CNDP1: variants seen among roughly 807,000 people sequenced by gnomAD.
The protein encoded by CNDP1 is beta-Ala-His dipeptidase.
CNDP1 carries 44 observed loss-of-function variants against 58.1 expected under a neutral mutation model. That is an observed-to-expected ratio of 0.76 (90% confidence interval 0.60 to 0.97). The LOEUF (loss-of-function observed/expected upper bound fraction) is 0.97. Ranked by LOEUF, CNDP1 falls within the 50% of genes least tolerant of loss-of-function variation. The probability of loss-of-function intolerance (pLI) is 0.00; values close to 1 mark genes in which losing one functional copy is unlikely to be tolerated. For missense variants in CNDP1, 616 were observed against 655.1 expected, an observed-to-expected ratio of 0.94 and a Z score of 0.65; for synonymous variants, 254 against 252.6, an observed-to-expected ratio of 1.01 and a Z score of -0.05.
rs142087752 is a variant in CNDP1, at chr18:74,549,732, C to T, written c.25-6606C>T. 3.3e-5 allele frequency among the ~76,000 whole-genome samples: 5 copies of T among 152,278 alleles called. 1 individual carries two copies. The highest frequency in any genetic ancestry group is 1.2e-4 in the African/African-American group (5 of 41,552). ...CAAGGTCTTGATGGCATTTCAGAGA[C>T]CTTTGAGGAAGCCCCTCTCACCACA... On this transcript the variant is annotated intron_variant, in intron 1 of 11. Coordinates refer to ENST00000358821, the MANE Select transcript of CNDP1 (RefSeq NM_032649.6).
intron 6 of CNDP1, among the ~76,000 whole-genome samples, chr18:74,567,883 C>G (rs1981372154): frequency 6.6e-6 from 1 of 152,158 alleles, no homozygotes; most frequent in Non-Finnish European, 1.5e-5. Flanking sequence ...TTGGTGTCGC[C>G]CGAGGCCAGC....
At chr18:74,552,740 C>G (rs186778451) in intron 1 of CNDP1, among the ~76,000 whole-genome samples, 1 of 152,328 alleles carries the variant, frequency 6.6e-6, no homozygotes, top group African/African-American at 2.4e-5. Flanking sequence ...CCGCTATAAA[C>G]ATCCACTTAC....
At chr18:74,558,044 C>G (rs1363862880) in intron 2 of CNDP1, among the ~76,000 whole-genome samples, 1 of 152,242 alleles carries the variant, frequency 6.6e-6, no homozygotes, top group Non-Finnish European at 1.5e-5. Flanking sequence ...AGCCAGCAGT[C>G]TCTGCTCTGT....
At chr18:74,561,519 G>T (rs1030819842) in intron 4 of CNDP1, 4 of 155,286 alleles carry the variant, frequency 2.6e-5, no homozygotes, top group Admixed American at 1.3e-4. Context: ...GTAAACTTTT[G>T]TGTCCCTGGA....
chr18:74,554,727 G>T (rs989138636), intron 1 of CNDP1, among the ~76,000 whole-genome samples: 1 of 152,144 alleles, frequency 6.6e-6, no homozygotes, highest in African/African-American at 2.4e-5. Context: ...TGTAAGACCT[G>T]GGAGCCATGG....
At chr18:74,553,463 T>C (rs999374919) in intron 1 of CNDP1, among the ~76,000 whole-genome samples, 1 of 152,136 alleles carries the variant, frequency 6.6e-6, no homozygotes, top group Non-Finnish European at 1.5e-5. Context: ...GGGTGAAACT[T>C]TATCATTTGC....
chr18:74,583,831 T>A, intron 11 of CNDP1, 123 bp downstream of exon 11: 4 of 951,234 alleles, frequency 4.2e-6, no homozygotes, highest in Non-Finnish European at 6.4e-6. Context: ...ACTGGGAGCT[T>A]AAAGAACAGA....
intron 2 of CNDP1, among the ~76,000 whole-genome samples, chr18:74,558,484 T>C (rs1018979566): frequency 2.1e-5 from 3 of 143,192 alleles, no homozygotes; most frequent in African/African-American, 7.9e-5. Context: ...AAGCTCCGCC[T>C]CCCAGGTTCA....
chr18:74,535,635 G>A (rs1219839572), intron 1 of CNDP1, among the ~76,000 whole-genome samples: 1 of 144,106 alleles, frequency 6.9e-6, no homozygotes, highest in Non-Finnish European at 1.5e-5. Context: ...GTGGGGGTTA[G>A]AAGAGGACAT....
chr18:74,573,605 G>A (rs1981554368), intron 7 of CNDP1, among the ~76,000 whole-genome samples: 1 of 152,230 alleles, frequency 6.6e-6, no homozygotes, highest in African/African-American at 2.4e-5. Context: ...GTTTCCAGAA[G>A]AATCAGATGG....
At chr18:74,549,512 T>C (rs1980846240) in intron 1 of CNDP1, among the ~76,000 whole-genome samples, 1 of 152,226 alleles carries the variant, frequency 6.6e-6, no homozygotes, top group East Asian at 1.9e-4. Context: ...CTGCACTTTT[T>C]TTTTTTCTAA....
intron 1 of CNDP1, among the ~76,000 whole-genome samples, chr18:74,543,440 C>T (rs976924656): frequency 8.6e-5 from 13 of 152,004 alleles, no homozygotes; most frequent in Admixed American, 2.6e-4. Flanking sequence ...CAGCAGTGAA[C>T]GATGATCACA....
rs1168071195 is a variant in CNDP1 at position 74,584,701 on chromosome 18, A to C, written c.*139A>C. ...TCCCTTCCATTTAAAATGTCTTGGG[A>C]TATCTGGATCAGTAATAAAATATTT... is the stretch of plus-strand genomic sequence containing the variant. On this transcript the variant is annotated 3_prime_UTR_variant, in exon 12 of 12. Coordinates refer to ENST00000358821, the MANE Select transcript of CNDP1 (RefSeq NM_032649.6). 4 of 672,166 alleles carry C rather than the reference A, an allele frequency of 6.0e-6. No homozygotes were observed. The East Asian group carries it at 1.1e-4, about 18-fold the overall frequency. The allele number at this position is 672,166 out of a possible 1,614,324, so 41.6% of individuals were successfully genotyped here.
chr18:74,553,742 T>C (rs182704830), intron 1 of CNDP1, among the ~76,000 whole-genome samples: 1 of 152,348 alleles, frequency 6.6e-6, no homozygotes, highest in Admixed American at 6.5e-5. Flanking sequence ...TACATTCTCC[T>C]ACTTCAAAAT....
chr18:74,543,710 A>T (rs546169525), intron 1 of CNDP1, among the ~76,000 whole-genome samples: 1 of 152,200 alleles, frequency 6.6e-6, no homozygotes, highest in South Asian at 2.1e-4. Context: ...AGATAACAAG[A>T]AAAAAAGGGA....
chr18:74,554,543 T>C (rs1486780456), intron 1 of CNDP1, among the ~76,000 whole-genome samples: 1 of 152,190 alleles, frequency 6.6e-6, no homozygotes, highest in African/African-American at 2.4e-5. Context: ...CTCGTCAGTT[T>C]GGATGCTCCC....
intron 6 of CNDP1, 75 bp from the exon 7 acceptor site, chr18:74,571,111 T>C: frequency 1.0e-6 from 1 of 966,980 alleles, no homozygotes; most frequent in South Asian, 1.3e-5. Context: ...CAGATATGTA[T>C]TTCACCATGT....
intron 1 of CNDP1, among the ~76,000 whole-genome samples, chr18:74,554,315 A>T (rs1271380715): frequency 6.6e-6 from 1 of 152,212 alleles, no homozygotes; most frequent in Non-Finnish European, 1.5e-5. Context: ...ATCTGACAGA[A>T]GGTAGAACAG....
intron 6 of CNDP1, 44 bp downstream of exon 6, chr18:74,567,477 G>A: frequency 6.7e-7 from 1 of 1,486,172 alleles, no homozygotes; most frequent in Middle Eastern, 1.9e-4. Flanking sequence ...TGTGGGGGTT[G>A]TGAATGGGAG....
Sources: gnomAD v4.1 joint callset for allele counts (sites outside exome capture counted in the v4.1 genomes callset) on GRCh38, gnomAD v4.1.1 for gene constraint, MANE v1.5 for transcripts, NCBI Gene and HGNC (gene_info 2026-07-23, HGNC 2026-07-21) for gene names.